B3GLCT: variants seen among roughly 807,000 people sequenced by gnomAD.
The protein encoded by B3GLCT is beta 3-glucosyltransferase.
A neutral mutation model predicts 63.4 loss-of-function variants in B3GLCT; 65 were observed. The ratio of observed to expected loss-of-function variants is 1.03; its 90% CI spans 0.84 to 1.26. The LOEUF is 1.26. B3GLCT is among the 50% of genes most tolerant of loss of function. B3GLCT has a pLI of 0.00. For missense variants in B3GLCT, 577 were observed against 604.8 expected, an observed-to-expected ratio of 0.95 and a Z score of 0.48; for synonymous variants, 233 against 219.2, an observed-to-expected ratio of 1.06 and a Z score of -0.55.
chr13:31,286,925 G>T, intron 12 of B3GLCT, 106 bp downstream of exon 12: 2 of 726,002 alleles, frequency 2.8e-6, no homozygotes, highest in Non-Finnish European at 4.7e-6. Flanking sequence ...CGGGGACGGG[G>T]TTTACCCTTC....
chr13:31,286,140 T>C (rs1349083061), intron 11 of B3GLCT, among the ~76,000 whole-genome samples: 1 of 152,238 alleles, frequency 6.6e-6, no homozygotes. Flanking sequence ...CATTAAAGCA[T>C]TGTAATTTAT....
rs141692575 is a variant in B3GLCT, at chr13:31,270,444, A to G, written c.660+1167A>G. Among the ~76,000 whole-genome samples the G allele has an allele frequency of 2.2e-3, 335 of 152,370 alleles. 1 individual carries two copies. The highest frequency in any genetic ancestry group is 7.5e-3 in the African/African-American group (310 of 41,590). ...TGAAAAAAATGGCTTGTTGAAAACC[A>G]AGTTCTGCCTAGATAGGATTAATGA... On this transcript the variant is annotated intron_variant, in intron 8 of 14. Transcript: ENST00000343307.
chr13:31,228,526 G>A (rs963592456), intron 3 of B3GLCT, among the ~76,000 whole-genome samples: 2 of 152,186 alleles, frequency 1.3e-5, no homozygotes, highest in South Asian at 2.1e-4. Context: ...TGGGAAGGAA[G>A]GATCTGTTCC....
At chr13:31,225,452 C>A (rs1421823941) in intron 3 of B3GLCT, among the ~76,000 whole-genome samples, 1 of 152,166 alleles carries the variant, frequency 6.6e-6, no homozygotes, top group Non-Finnish European at 1.5e-5. Flanking sequence ...GAAAATATTT[C>A]TTGGTACTGC....
intron 4 of B3GLCT, among the ~76,000 whole-genome samples, chr13:31,242,340 C>T (rs1870995500): frequency 6.6e-6 from 1 of 152,164 alleles, no homozygotes; most frequent in African/African-American, 2.4e-5. Context: ...TGCCTGTCTC[C>T]CTCATGAGAA....
At chr13:31,231,633 T>G (rs1870386123) in intron 4 of B3GLCT, among the ~76,000 whole-genome samples, 1 of 152,194 alleles carries the variant, frequency 6.6e-6, no homozygotes, top group Non-Finnish European at 1.5e-5. Flanking sequence ...CCTTTCCCCT[T>G]CTGTTCTTCT....
At position 31,260,980 on chromosome 13, in the gene B3GLCT, A is replaced by G; in HGVS notation, c.494A>G (p.Glu165Gly). The change falls in exon 7 of 15, where the codon GAA (glutamate) becomes GGA (glycine). Residue 165 changes from glutamate (E) to glycine (G), a missense_variant. Physicochemically the swap from Glu to Gly is moderately conservative, Grantham distance 98. Transcript: ENST00000343307. ...TTGGGAAAAGCATTACATGATGAAG[A>G]AGCTACAATAATTCACCATTATGCC... ...WFLGKALHDEEATIIHHYAFS... is the reference protein window; with the variant it reads ...WFLGKALHDEGATIIHHYAFS... 1 of 1,614,032 alleles carries G rather than the reference A, an allele frequency of 6.2e-7. No homozygotes were observed. Among genetic ancestry groups the G allele is most frequent in the Non-Finnish European group, 8.5e-7 (1 of 1,179,902 alleles).
intron 10 of B3GLCT, 138 bp from the exon 11 acceptor site, chr13:31,284,510 A>T: frequency 1.4e-6 from 1 of 696,464 alleles, no homozygotes. Context: ...TCAGGGTTGG[A>T]AGCAAGCAAC....
intron 3 of B3GLCT, among the ~76,000 whole-genome samples, chr13:31,226,441 G>A (rs1870106732): frequency 6.6e-6 from 1 of 152,202 alleles, no homozygotes; most frequent in African/African-American, 2.4e-5. Flanking sequence ...ACATGACCCA[G>A]GTATGGGAAG....
At chr13:31,206,326 A>G (rs1212134137) in intron 1 of B3GLCT, among the ~76,000 whole-genome samples, 3 of 152,152 alleles carry the variant, frequency 2.0e-5, no homozygotes. Flanking sequence ...GAAGATCTGA[A>G]ATGAGACTTC....
At chr13:31,226,140 T>C (rs1170341945) in intron 3 of B3GLCT, among the ~76,000 whole-genome samples, 6 of 152,174 alleles carry the variant, frequency 3.9e-5, no homozygotes, top group Non-Finnish European at 8.8e-5. Flanking sequence ...AAGCTCTCCT[T>C]GCACTCGCCC....
In B3GLCT at chr13:31,310,525, G is replaced by A. The variant is rs77054455; in HGVS notation, c.1065-7041G>A. 5.5e-3 allele frequency among the ~76,000 whole-genome samples: 837 copies of A among 152,298 alleles called. 12 individuals carry two copies. The highest frequency in any genetic ancestry group is 0.019 in the African/African-American group (804 of 41,580). ...CCTCAGGATTCCCTGAGCCAGAGCT[G>A]TAACACTGTAATCCTCCCACCCTTT... On this transcript the variant is annotated intron_variant, in intron 12 of 14. Coordinates refer to ENST00000343307, the MANE Select transcript of B3GLCT (RefSeq NM_194318.4).
intron 1 of B3GLCT, among the ~76,000 whole-genome samples, chr13:31,206,987 G>A (rs1457850867): frequency 2.0e-5 from 3 of 152,140 alleles, no homozygotes; most frequent in African/African-American, 7.2e-5. Flanking sequence ...AGTTAGAGCC[G>A]TGAGTTGTTA....
At position 31,240,759 on chromosome 13, in the gene B3GLCT, A is replaced by G. The variant is rs985557154; in HGVS notation, c.271-6264A>G. On this transcript the variant is annotated intron_variant, in intron 4 of 14. Coordinates refer to ENST00000343307, the MANE Select transcript of B3GLCT (RefSeq NM_194318.4). ...GTTGGATGCTTAATAGTTTACTAAA[A>G]GTTAATTTTATTTTTAGAAATTGAT... Among the ~76,000 whole-genome samples the G allele has an allele frequency of 2.0e-5, 3 of 152,260 alleles. No homozygotes were observed. The East Asian group carries it at 5.8e-4, about 29-fold the overall frequency.
chr13:31,268,110 T>A (rs1389707124), intron 7 of B3GLCT, among the ~76,000 whole-genome samples: 1 of 152,222 alleles, frequency 6.6e-6, no homozygotes, highest in East Asian at 1.9e-4. Context: ...CCTCCCAAAG[T>A]GCTGGGATTA....
chr13:31,281,039 G>A (rs939341571), intron 10 of B3GLCT, among the ~76,000 whole-genome samples: 7 of 152,144 alleles, frequency 4.6e-5, no homozygotes, highest in Admixed American at 4.6e-4. Context: ...CCCACTGTGT[G>A]ACCTGAGCTG....
At chr13:31,260,693 T>C (rs1566067983) in intron 6 of B3GLCT, among the ~76,000 whole-genome samples, 1 of 152,212 alleles carries the variant, frequency 6.6e-6, no homozygotes, top group Non-Finnish European at 1.5e-5. Flanking sequence ...ACATTTATGG[T>C]ATAATGAGGA....
rs146286385 is a variant in B3GLCT, at chr13:31,271,331, C to G, written c.660+2054C>G. ...ACTTATTTTTACTTTCTATAGTAGT[C>G]TCCCATATGACCATAATAATTTATT... On this transcript the variant is annotated intron_variant, in intron 8 of 14. Coordinates refer to ENST00000343307, the MANE Select transcript of B3GLCT (RefSeq NM_194318.4). Among the ~76,000 whole-genome samples, 6 of 152,338 alleles carry G rather than the reference C, an allele frequency of 3.9e-5. No individual in the cohort carries two copies. The East Asian group carries it at 1.2e-3, about 29-fold the overall frequency.
chr13:31,210,644 T>C (rs1869209571), intron 1 of B3GLCT, among the ~76,000 whole-genome samples: 1 of 152,258 alleles, frequency 6.6e-6, no homozygotes, highest in Non-Finnish European at 1.5e-5. Context: ...AAACCAGGAT[T>C]TTTATGGATA....
Sources: gnomAD v4.1 joint callset for allele counts (sites outside exome capture counted in the v4.1 genomes callset) on GRCh38, gnomAD v4.1.1 for gene constraint, MANE v1.5 for transcripts, NCBI Gene and HGNC (gene_info 2026-07-23, HGNC 2026-07-21) for gene names.